PIP5K1B: variants seen among roughly 807,000 people sequenced by gnomAD.
The protein encoded by PIP5K1B is phosphatidylinositol 4-phosphate 5-kinase type-1 beta.
In PIP5K1B, 42 loss-of-function variants were observed where a neutral mutation model predicts 67.0. That is an observed-to-expected ratio of 0.63 (90% confidence interval 0.49 to 0.81). The LOEUF (loss-of-function observed/expected upper bound fraction) is 0.81. Ranked by LOEUF, PIP5K1B falls within the 30% of genes least tolerant of loss-of-function variation. The pLI is 0.00. For synonymous variants in PIP5K1B, 214 were observed against 231.4 expected (o/e 0.92, Z 0.68); for missense variants, 459 against 646.3 (o/e 0.71, Z 3.14).
At chr9:68,790,731 A>G (rs1334768833) in intron 2 of PIP5K1B, among the ~76,000 whole-genome samples, 1 of 152,162 alleles carries the variant, frequency 6.6e-6, no homozygotes, top group Non-Finnish European at 1.5e-5. Flanking sequence ...TTAAACAGAA[A>G]CTTGGGCTTT....
At chr9:68,853,277 T>C (rs55671140) in intron 4 of PIP5K1B, among the ~76,000 whole-genome samples, 42,752 of 152,078 alleles carry the variant, frequency 0.28, 6,254 homozygotes, top group Middle Eastern at 0.33. Flanking sequence ...CAGCCTGCCA[T>C]GTAGAACTTG....
Position 68,780,698 on chromosome 9 carries a change from A to C in PIP5K1B, c.-85-37763A>C, listed in dbSNP as rs1025971173. On this transcript the variant is annotated intron_variant, in intron 2 of 15. Transcript: ENST00000265382. ...TGCCTCCAAGCCCTATTCCCAGCCCAACGACCCGATTTACCACCCGGAGAA... is the reference window on the plus strand; with the variant it reads ...TGCCTCCAAGCCCTATTCCCAGCCCCACGACCCGATTTACCACCCGGAGAA... 2.5e-6 allele frequency: 4 copies of C among 1,614,088 alleles called. No homozygotes were observed. In the African/African-American group the frequency reaches 5.3e-5, roughly 22 times the overall value.
chr9:68,909,103 A>C (rs1825743358), intron 8 of PIP5K1B, among the ~76,000 whole-genome samples: 1 of 152,210 alleles, frequency 6.6e-6, no homozygotes, highest in South Asian at 2.1e-4. Context: ...ATCATTGGCA[A>C]AGGGTAAGTT....
At chr9:68,733,221 G>A (rs1031955397) in intron 1 of PIP5K1B, among the ~76,000 whole-genome samples, 18 of 152,206 alleles carry the variant, frequency 1.2e-4, no homozygotes, top group African/African-American at 2.9e-4. Context: ...GCTGCTTGCC[G>A]TCTGTACACA....
Position 68,919,582 on chromosome 9 carries a change from G to A in PIP5K1B, c.1067+20G>A. ...ATATAGGTAAGAAGTTTGAGGAGTG[G>A]TCTTTTATTATTTCAAAATCAATCT... is the stretch of plus-strand genomic sequence containing the variant. On this transcript the variant is annotated intron_variant, in intron 10 of 15. Transcript: ENST00000265382. 2 of 1,448,414 alleles carry A rather than the reference G, an allele frequency of 1.4e-6. No individual in the cohort carries two copies. The highest frequency in any genetic ancestry group is 1.9e-6 in the Non-Finnish European group (2 of 1,038,916). The allele number at this position is 1,448,414 out of a possible 1,614,324, so 89.7% of individuals were successfully genotyped here. A position where few individuals can be genotyped will look rare whatever the true frequency, so the allele number is the denominator to read the frequency against.
intron 14 of PIP5K1B, among the ~76,000 whole-genome samples, chr9:68,985,702 TC>T (rs949329880): frequency 6.6e-6 from 1 of 152,170 alleles, no homozygotes; most frequent in Non-Finnish European, 1.5e-5. Flanking sequence ...TGCAGATGGC[TC>T]CCCAGGCCTC....
intron 7 of PIP5K1B, among the ~76,000 whole-genome samples, chr9:68,893,537 C>T (rs1168126264): frequency 6.6e-6 from 1 of 151,858 alleles, no homozygotes; most frequent in Non-Finnish European, 1.5e-5. Context: ...TTTCACCATG[C>T]TAGCCAGGCT....
At chr9:68,804,588 A>T (rs1356298250) in intron 2 of PIP5K1B, among the ~76,000 whole-genome samples, 2 of 125,494 alleles carry the variant, frequency 1.6e-5, no homozygotes, top group Non-Finnish European at 1.7e-5. Context: ...CTAGTTTTCA[A>T]TTTTTTTTTT....
chr9:68,888,225 G>A (rs536967243), intron 6 of PIP5K1B, among the ~76,000 whole-genome samples: 3 of 152,198 alleles, frequency 2.0e-5, no homozygotes, highest in East Asian at 1.9e-4. Flanking sequence ...TCATCCACCC[G>A]CCTCAGCCTC....
Position 68,894,952 on chromosome 9 carries a change from T to C in PIP5K1B, c.771+314T>C, listed in dbSNP as rs544689298. On this transcript the variant is annotated intron_variant, in intron 8 of 15. Transcript: ENST00000265382. ...TCCGCTGTGGGGAAGATAGTTTAAC[T>C]AGAAAGAAATAGAATTTAGGTTTAA... Among the ~76,000 whole-genome samples, 9 of 152,260 alleles carry C rather than the reference T, an allele frequency of 5.9e-5. No homozygotes were observed. In the South Asian group the frequency reaches 1.9e-3, roughly 32 times the overall value.
At chr9:68,883,312 C>A (rs1021342861) in intron 6 of PIP5K1B, among the ~76,000 whole-genome samples, 1 of 152,178 alleles carries the variant, frequency 6.6e-6, no homozygotes, top group African/African-American at 2.4e-5. Context: ...GTCCTGTCTG[C>A]AGTCTGATAG....
intron 4 of PIP5K1B, among the ~76,000 whole-genome samples, chr9:68,826,866 C>G (rs1386052270): frequency 1.3e-5 from 2 of 152,196 alleles, no homozygotes; most frequent in African/African-American, 4.8e-5. Flanking sequence ...ATTCTCCTGC[C>G]TCAGCCTCCC....
Position 68,922,178 on chromosome 9 carries a change from A to G in PIP5K1B, c.1117-1124A>G, listed in dbSNP as rs113895157. Among the ~76,000 whole-genome samples the G allele has an allele frequency of 3.4e-3, 518 of 152,310 alleles. 1 individual carries two copies. The highest frequency in any genetic ancestry group is 5.3e-3 in the Non-Finnish European group (362 of 68,016). ...AGAAAGAGTACATTTTAAAAGATGT[A>G]GCAGGGCCAGGTGCAGTGGCTCATG... On this transcript the variant is annotated intron_variant, in intron 11 of 15. Coordinates refer to ENST00000265382, the MANE Select transcript of PIP5K1B (RefSeq NM_003558.4).
intron 3 of PIP5K1B, among the ~76,000 whole-genome samples, chr9:68,821,046 G>A (rs1259055701): frequency 6.6e-6 from 1 of 152,230 alleles, no homozygotes; most frequent in Non-Finnish European, 1.5e-5. Context: ...GGGAGGCCAA[G>A]GCAGGAGGAT....
intron 2 of PIP5K1B, among the ~76,000 whole-genome samples, chr9:68,751,671 T>C (rs542931815): frequency 1.3e-5 from 2 of 152,340 alleles, no homozygotes; most frequent in South Asian, 4.1e-4. Flanking sequence ...GATTTTAGAA[T>C]AGAATGAGTT....
chr9:68,961,233 A>AAAAAAG (rs1828727686), intron 14 of PIP5K1B, among the ~76,000 whole-genome samples: 2 of 151,562 alleles, frequency 1.3e-5, no homozygotes, highest in Non-Finnish European at 2.9e-5. Flanking sequence ...AAAAAAAAAA[A>AAAAAAG]GCGTGTCACC....
intron 1 of PIP5K1B, among the ~76,000 whole-genome samples, chr9:68,727,330 C>T (rs73455630): frequency 0.015 from 2,306 of 152,186 alleles, 59 homozygotes; most frequent in African/African-American, 0.051. Flanking sequence ...ATCACTCTCA[C>T]GAAGTCTTCT....
At chr9:68,866,609 G>T (rs1823368305) in intron 5 of PIP5K1B, among the ~76,000 whole-genome samples, 1 of 152,194 alleles carries the variant, frequency 6.6e-6, no homozygotes, top group Non-Finnish European at 1.5e-5. Flanking sequence ...GTCCGATAGA[G>T]AACTGTGCAT....
chr9:68,920,649 T>C (rs980455885), intron 11 of PIP5K1B, among the ~76,000 whole-genome samples: 5 of 152,056 alleles, frequency 3.3e-5, no homozygotes, highest in African/African-American at 1.2e-4. Context: ...ATTACAGATG[T>C]GAGCCACTGC....
Sources: allele counts gnomAD v4.1 joint callset (sites outside exome capture counted in the v4.1 genomes callset), GRCh38; gene constraint gnomAD v4.1.1; transcripts MANE v1.5; gene names NCBI Gene and HGNC (gene_info 2026-07-23, HGNC 2026-07-21).